The following EFCAB13 variants were observed in gnomAD, a reference collection of about 807,000 sequenced individuals.
EFCAB13 encodes the protein EF-hand calcium binding domain 13.
In EFCAB13, 91 loss-of-function variants were observed where a neutral mutation model predicts 110.2. That is an observed-to-expected ratio of 0.83 (90% CI 0.70 to 0.98). The LOEUF (loss-of-function observed/expected upper bound fraction) is 0.98. Ranked by LOEUF, EFCAB13 falls within the 50% of genes least tolerant of loss-of-function variation. The probability of loss-of-function intolerance (pLI) is 0.00; values close to 1 mark genes in which losing one functional copy is unlikely to be tolerated. For missense variants in EFCAB13, 968 were observed against 1,119.4 expected (o/e 0.86, Z 1.93); for synonymous variants, 323 against 369.9 (o/e 0.87, Z 1.45).
chr17:47,360,698 C>T (rs1206985912), intron 9 of EFCAB13, among the ~76,000 whole-genome samples: 1 of 152,104 alleles, frequency 6.6e-6, no homozygotes, highest in Non-Finnish European at 1.5e-5. Context: ...GAAGTCCTCG[C>T]CCATGCCTAT....
intron 5 of EFCAB13, chr17:47,341,499 G>GGCAT (rs1292922515): frequency 6.5e-6 from 1 of 153,238 alleles, no homozygotes; most frequent in Non-Finnish European, 1.5e-5. Flanking sequence ...TGGGACTACA[G>GGCAT]GCATGTGTCA....
chr17:47,378,193 C>T (rs1461041878), intron 13 of EFCAB13, among the ~76,000 whole-genome samples: 1 of 152,064 alleles, frequency 6.6e-6, no homozygotes, highest in Non-Finnish European at 1.5e-5. Flanking sequence ...GAGACTGATC[C>T]AGTTGTAGCG....
rs372514099 is a variant in EFCAB13, at chr17:47,431,255, T to C, written c.2638+1294T>C. On this transcript the variant is annotated intron_variant, in intron 24 of 24. Transcript: ENST00000331493. This position sits in a 1 kb window ranked among gnomAD's most constrained non-coding sequence, Gnocchi z 4.1. ...AACCAACCCCTTTTTTTAATCTCCT[T>C]CCGCCTATATCCTAACATCTATTTT... Among the ~76,000 whole-genome samples the C allele has an allele frequency of 1.2e-4, 19 of 152,076 alleles. No individual in the cohort carries two copies. The highest frequency in any genetic ancestry group is 4.6e-4 in the African/African-American group (19 of 41,442).
intron 9 of EFCAB13, among the ~76,000 whole-genome samples, chr17:47,352,068 A>AT (rs2065456677): frequency 6.7e-6 from 1 of 150,068 alleles, no homozygotes; most frequent in Non-Finnish European, 1.5e-5. Flanking sequence ...CGCCTGGCTA[A>AT]TTTTTTTGTA....
In EFCAB13 at chr17:47,342,019, G is replaced by A. The variant is rs769371939; in HGVS notation, c.290G>A (p.Ser97Asn). Reference sequence around the variant, plus strand: ...AAGAGTTTACAAGTACAACAGCACAGTAAAAGAACTGAGGTAAATAAAGAT... The same window carrying A: ...AAGAGTTTACAAGTACAACAGCACAATAAAAGAACTGAGGTAAATAAAGAT... ...GRKSLQVQQH[S>N]KRTEIIPPFL... is the part of the protein sequence containing the mutation. The change falls in exon 6 of 25, where the codon AGT (serine) becomes AAT (asparagine). Residue 97 changes from serine (S) to asparagine (N), a missense_variant. Coordinates refer to ENST00000331493, the MANE Select transcript of EFCAB13 (RefSeq NM_152347.5). 1.9e-6 allele frequency: 3 copies of A among 1,568,898 alleles called. No homozygotes were observed. Among genetic ancestry groups the A allele is most frequent in the Non-Finnish European group, 1.7e-6 (2 of 1,156,646 alleles).
At chr17:47,432,727 CA>C (rs1905142377) in intron 24 of EFCAB13, among the ~76,000 whole-genome samples, 2 of 151,986 alleles carry the variant, frequency 1.3e-5, no homozygotes, top group Admixed American at 1.3e-4. Flanking sequence ...TTAGGGATAA[CA>C]TATCTTTTTT....
At chr17:47,359,132 A>G (rs775695006) in intron 9 of EFCAB13, among the ~76,000 whole-genome samples, 8 of 152,156 alleles carry the variant, frequency 5.3e-5, no homozygotes, top group Non-Finnish European at 1.2e-4. Flanking sequence ...CAGGAGTTCG[A>G]GACCAGCCTG....
Position 47,403,980 on chromosome 17 carries a change from A to G in EFCAB13, c.2120A>G (p.Lys707Arg). ...FLRNVGIKSP[K>R]EEVEKILQSD... is the part of the protein sequence containing the mutation. The stretch of plus-strand genomic sequence containing the variant: ...AGAAATGTTGGGATTAAGTCACCTA[A>G]AGAAGAGGTAGAGAAAATTCTTCAA... The change falls in exon 19 of 25, where the codon AAA becomes AGA. Residue 707 changes from lysine (K) to arginine (R), a missense_variant. Coordinates refer to ENST00000331493, the MANE Select transcript of EFCAB13 (RefSeq NM_152347.5). 1 of 1,607,944 alleles carries G rather than the reference A, an allele frequency of 6.2e-7. No individual in the cohort carries two copies. The highest frequency in any genetic ancestry group is 8.5e-7 in the Non-Finnish European group (1 of 1,177,350).
chr17:47,334,518 G>A (rs867468006), intron 4 of EFCAB13, among the ~76,000 whole-genome samples: 5 of 152,110 alleles, frequency 3.3e-5, no homozygotes, highest in African/African-American at 4.8e-5. Flanking sequence ...ATCTAAAATC[G>A]AGTTAATGTT....
chr17:47,394,501 G>A (rs902978467), intron 16 of EFCAB13, among the ~76,000 whole-genome samples: 3 of 152,086 alleles, frequency 2.0e-5, no homozygotes, highest in African/African-American at 7.2e-5. Flanking sequence ...AATGTATTCA[G>A]TAACATTTAT....
At chr17:47,394,357 G>T (rs924354154) in intron 16 of EFCAB13, among the ~76,000 whole-genome samples, 1 of 152,162 alleles carries the variant, frequency 6.6e-6, no homozygotes, top group Admixed American at 6.5e-5. Context: ...TAGAGGGCTA[G>T]AACCATGTAT....
chr17:47,343,937 C>T (rs2065400185), intron 6 of EFCAB13, among the ~76,000 whole-genome samples: 1 of 152,072 alleles, frequency 6.6e-6, no homozygotes, highest in African/African-American at 2.4e-5. Flanking sequence ...TGATTAACTG[C>T]ATACTTAAGA....
At chr17:47,331,384 C>T (rs918045590) in intron 4 of EFCAB13, among the ~76,000 whole-genome samples, 3 of 151,888 alleles carry the variant, frequency 2.0e-5, no homozygotes, top group Non-Finnish European at 4.4e-5. Context: ...AGGTAGTCTT[C>T]TAGAATTTTT....
In EFCAB13 at chr17:47,403,917, G is replaced by T; in HGVS notation, c.2057G>T (p.Gly686Val). 1 of 1,611,124 alleles carries T rather than the reference G, an allele frequency of 6.2e-7. No homozygotes were observed. The change falls in exon 19 of 25, where the codon GGT (glycine) becomes GTT (valine). Residue 686 changes from glycine to valine, a missense_variant. By Grantham distance (109) the Gly-to-Val change is moderately radical. Coordinates refer to ENST00000331493, the MANE Select transcript of EFCAB13 (RefSeq NM_152347.5). ...EVVLAADLLE[G>V]DMIAGKNLED... The stretch of plus-strand genomic sequence containing the variant: ...GTCTTAGCTGCTGATTTGCTGGAAG[G>T]TGACATGATAGCTGGGAAGAACTTG...
At position 47,409,303 on chromosome 17, in the gene EFCAB13, C is replaced by A. The variant is rs144466228; in HGVS notation, c.2234-344C>A. On this transcript the variant is annotated intron_variant, in intron 20 of 24. Transcript: ENST00000331493. Reference sequence around the variant, plus strand: ...GATAGTATATAGGTAGGTAAGAGATCAAGAAGGACAATTTAGACTAATAAT... The same window carrying A: ...GATAGTATATAGGTAGGTAAGAGATAAAGAAGGACAATTTAGACTAATAAT... 779 of 206,262 alleles carry A rather than the reference C, an allele frequency of 3.8e-3. 7 individuals carry two copies. Among genetic ancestry groups the A allele is most frequent in the Middle Eastern group, 0.022 (11 of 510 alleles). The allele number at this position is 206,262 out of a possible 1,614,324, so 12.8% of individuals were successfully genotyped here. A position where few individuals can be genotyped will look rare whatever the true frequency, so the allele number is the denominator to read the frequency against.
At chr17:47,419,713 G>A (rs997869832) in intron 23 of EFCAB13, among the ~76,000 whole-genome samples, 22 of 152,310 alleles carry the variant, frequency 1.4e-4, no homozygotes, top group African/African-American at 4.8e-4. Flanking sequence ...AGGAGTTACA[G>A]TGCTGGTGAA....
At chr17:47,363,880 G>T (rs1440829667) in intron 10 of EFCAB13, among the ~76,000 whole-genome samples, 1 of 152,152 alleles carries the variant, frequency 6.6e-6, no homozygotes, top group African/African-American at 2.4e-5. Flanking sequence ...GGTATGGTGT[G>T]CTCTGGGGTG....
chr17:47,417,499 G>A (rs1052313938), intron 23 of EFCAB13, among the ~76,000 whole-genome samples: 11 of 152,158 alleles, frequency 7.2e-5, no homozygotes, highest in South Asian at 4.1e-4. Flanking sequence ...TCTTCTACCC[G>A]ATTGTCTAAT....
At chr17:47,387,434 GTCTC>G (rs2065682669) in intron 14 of EFCAB13, among the ~76,000 whole-genome samples, 1 of 152,152 alleles carries the variant, frequency 6.6e-6, no homozygotes, top group South Asian at 2.1e-4. Flanking sequence ...TTGCATTGCA[GTCTC>G]TCTCTCCCTT....
Sources: gnomAD v4.1 joint callset for allele counts (sites outside exome capture counted in the v4.1 genomes callset) on GRCh38, gnomAD v4.1.1 for gene constraint, Gnocchi (gnomAD v3.1) non-coding constraint, MANE v1.5 for transcripts, NCBI Gene and HGNC (gene_info 2026-07-23, HGNC 2026-07-21) for gene names.